IGF2BP2: variants seen among roughly 807,000 people sequenced by gnomAD.
IGF2BP2 encodes insulin-like growth factor 2 mRNA-binding protein 2.
In IGF2BP2, 17 loss-of-function variants were observed where a neutral mutation model predicts 75.8. That is an observed-to-expected ratio of 0.22 (90% CI 0.15 to 0.34). The LOEUF (loss-of-function observed/expected upper bound fraction) is 0.34, where lower values mean the gene tolerates loss of function less well. Among genes scored for constraint, IGF2BP2 ranks in the 10% least tolerant of loss-of-function variants. The pLI is 1.00. For synonymous variants in IGF2BP2, 288 were observed against 295.6 expected, an observed-to-expected ratio of 0.97 and a Z score of 0.26; for missense variants, 516 against 772.4, an observed-to-expected ratio of 0.67 and a Z score of 3.93.
At chr3:185,811,830 G>GTC (rs58208457) in intron 2 of IGF2BP2, among the ~76,000 whole-genome samples, 3,658 of 120,556 alleles carry the variant, frequency 0.03, 99 homozygotes, top group Middle Eastern at 0.058. Context: ...AGAGTAGGGT[G>GTC]TCTCTCTCTC....
chr3:185,809,134 A>G (rs918138915), intron 2 of IGF2BP2, among the ~76,000 whole-genome samples: 1 of 151,258 alleles, frequency 6.6e-6, no homozygotes, highest in Non-Finnish European at 1.5e-5. Context: ...TTTTTTTTCA[A>G]ATAGGTTTTT....
chr3:185,719,586 C>T (rs1034700829), intron 2 of IGF2BP2, among the ~76,000 whole-genome samples: 1 of 152,164 alleles, frequency 6.6e-6, no homozygotes, highest in Non-Finnish European at 1.5e-5. Flanking sequence ...GTAATCCCAG[C>T]ACTTTGGGAG....
intron 6 of IGF2BP2, among the ~76,000 whole-genome samples, chr3:185,687,611 C>T (rs567852182): frequency 2.1e-4 from 32 of 152,320 alleles, no homozygotes; most frequent in South Asian, 4.1e-4. Flanking sequence ...AATCCAAATC[C>T]GAACACCAAA....
intron 13 of IGF2BP2, among the ~76,000 whole-genome samples, chr3:185,651,759 C>T (rs760766233): frequency 2.8e-4 from 42 of 152,174 alleles, no homozygotes; most frequent in Non-Finnish European, 5.1e-4. Context: ...TGTGTTAGTC[C>T]TCCATAGCTT....
Position 185,691,507 on chromosome 3 carries a change from T to C in IGF2BP2, c.404+1192A>G, listed in dbSNP as rs148405020. Among the ~76,000 whole-genome samples the C allele has an allele frequency of 1.6e-3, 241 of 152,326 alleles. 1 individual carries two copies. The highest frequency in any genetic ancestry group is 2.8e-3 in the Non-Finnish European group (190 of 68,026). On this transcript the variant is annotated intron_variant, in intron 5 of 15. Coordinates refer to ENST00000382199, the MANE Select transcript of IGF2BP2 (RefSeq NM_006548.6). ...AAGAACACTATAATCCTGGGATATATAGCCAAGGTTATGCCACACCCATAA... is the reference window on the plus strand; with the variant it reads ...AAGAACACTATAATCCTGGGATATACAGCCAAGGTTATGCCACACCCATAA...
intron 2 of IGF2BP2, among the ~76,000 whole-genome samples, chr3:185,812,931 T>A (rs1396269413): frequency 7.2e-5 from 11 of 152,242 alleles, no homozygotes; most frequent in Admixed American, 7.2e-4. Context: ...AATCGATACT[T>A]GTGAACTAAA....
chr3:185,811,700 C>T (rs1407009461), intron 2 of IGF2BP2, among the ~76,000 whole-genome samples: 2 of 152,138 alleles, frequency 1.3e-5, no homozygotes, highest in Admixed American at 6.5e-5. Flanking sequence ...TGTAAACATA[C>T]GGTGATCTCT....
intron 2 of IGF2BP2, among the ~76,000 whole-genome samples, chr3:185,796,334 G>A (rs997671554): frequency 6.6e-6 from 1 of 151,806 alleles, no homozygotes; most frequent in Non-Finnish European, 1.5e-5. Flanking sequence ...AGGACGAGGA[G>A]GGCGGATCAC....
chr3:185,735,360 G>A (rs1045848800), intron 2 of IGF2BP2, among the ~76,000 whole-genome samples: 1 of 152,062 alleles, frequency 6.6e-6, no homozygotes, highest in African/African-American at 2.4e-5. Context: ...TGGCCAGGCT[G>A]GTCTTGAACT....
chr3:185,737,795 C>A (rs1156630820), intron 2 of IGF2BP2, among the ~76,000 whole-genome samples: 1 of 152,200 alleles, frequency 6.6e-6, no homozygotes, highest in Non-Finnish European at 1.5e-5. Flanking sequence ...TGATGGTCAT[C>A]CCCAGTTCTT....
chr3:185,775,573 T>A (rs1734435816), intron 2 of IGF2BP2, among the ~76,000 whole-genome samples: 1 of 152,162 alleles, frequency 6.6e-6, no homozygotes, highest in Non-Finnish European at 1.5e-5. Flanking sequence ...AAAGGTGAAC[T>A]GGAGTGCACC....
chr3:185,824,861 C>T lies in IGF2BP2; in HGVS notation c.100G>A (p.Val34Ile), dbSNP rs768290525. ...AAGGCGTAGCCGGACTTCAGCAGGA[C>T]CTGTCCCGCCAGGGGCAGCTTCCTG... ...GDRKLPLAGQ[V>I]LLKSGYAFVD... Residue 34 changes from valine to isoleucine, a missense_variant, in exon 1 of 16, where the codon GTC (valine) becomes ATC (isoleucine). Val to Ile is a conservative substitution (Grantham distance 29). Coordinates refer to ENST00000382199, the MANE Select transcript of IGF2BP2 (RefSeq NM_006548.6). 8.3e-6 allele frequency: 13 copies of T among 1,560,032 alleles called. No individual in the cohort carries two copies. Among genetic ancestry groups the T allele is most frequent in the Middle Eastern group, 1.7e-4 (1 of 5,914 alleles).
intron 7 of IGF2BP2, among the ~76,000 whole-genome samples, chr3:185,677,066 T>TAGAGAGAG (rs1185215668): frequency 6.5e-4 from 25 of 38,380 alleles, no homozygotes; most frequent in African/African-American, 3.1e-3. Context: ...TATATATATA[T>TAGAGAGAG]ATAGAGAGAG....
intron 3 of IGF2BP2, 72 bp from the exon 4 acceptor site, chr3:185,696,735 C>CTGTAGTAAA (rs1722627527): frequency 8.4e-7 from 1 of 1,183,486 alleles, no homozygotes; most frequent in Non-Finnish European, 1.3e-6. Context: ...CAGTGATATA[C>CTGTAGTAAA]CCCAGCAAAC....
chr3:185,763,163 T>C (rs1021640934), intron 2 of IGF2BP2, among the ~76,000 whole-genome samples: 1 of 152,190 alleles, frequency 6.6e-6, no homozygotes, highest in Non-Finnish European at 1.5e-5. Flanking sequence ...TTAAAAAAAC[T>C]TCCCAGTGAT....
intron 7 of IGF2BP2, among the ~76,000 whole-genome samples, chr3:185,684,562 G>A (rs1163325081): frequency 2.6e-5 from 4 of 152,018 alleles, no homozygotes; most frequent in Non-Finnish European, 4.4e-5. Flanking sequence ...GTGCCACCAC[G>A]CCCAGCTAAT....
chr3:185,774,586 C>G (rs1442949940), intron 2 of IGF2BP2, among the ~76,000 whole-genome samples: 3 of 131,026 alleles, frequency 2.3e-5, no homozygotes, highest in Admixed American at 1.5e-4. Context: ...CAGAGCGAGA[C>G]TCTGTCTCAA....
intron 2 of IGF2BP2, among the ~76,000 whole-genome samples, chr3:185,748,515 G>T (rs1233980280): frequency 6.6e-6 from 1 of 152,184 alleles, no homozygotes; most frequent in Non-Finnish European, 1.5e-5. Flanking sequence ...GTTTTAGAAT[G>T]TACTTCTAAA....
At chr3:185,814,069 C>T (rs1297322970) in intron 2 of IGF2BP2, 1 of 152,276 alleles carries the variant, frequency 6.6e-6, no homozygotes, top group Non-Finnish European at 1.5e-5. Flanking sequence ...CTTCCACACA[C>T]TATCAGTGAG....
Sources: gnomAD v4.1 joint callset for allele counts (sites outside exome capture counted in the v4.1 genomes callset) on GRCh38, gnomAD v4.1.1 for gene constraint, MANE v1.5 for transcripts, NCBI Gene and HGNC (gene_info 2026-07-23, HGNC 2026-07-21) for gene names.